LIMD1: variants seen among roughly 807,000 people sequenced by gnomAD.
LIMD1 encodes the protein LIM domain-containing protein 1.
In LIMD1, 23 loss-of-function variants were observed where a neutral mutation model predicts 58.4. That is an observed-to-expected ratio of 0.39 (90% CI 0.28 to 0.56). LIMD1 has a LOEUF of 0.56. LIMD1 is among the 20% of genes least tolerant of loss of function. LIMD1 has a pLI of 0.57. For synonymous variants in LIMD1, 334 were observed against 345.5 expected, an observed-to-expected ratio of 0.97 and a Z score of 0.37; for missense variants, 838 against 855.5, an observed-to-expected ratio of 0.98 and a Z score of 0.25.
chr3:45,643,057 C>T (rs1335558300), intron 2 of LIMD1, among the ~76,000 whole-genome samples: 1 of 152,180 alleles, frequency 6.6e-6, no homozygotes, highest in South Asian at 2.1e-4. Flanking sequence ...CCTTTGTTGA[C>T]AGCTGTGTCT....
At chr3:45,673,530 C>A (rs1333494170) in intron 6 of LIMD1, 25 bp downstream of exon 6, 2 of 1,588,184 alleles carry the variant, frequency 1.3e-6, no homozygotes, top group Non-Finnish European at 1.7e-6. Flanking sequence ...CAGACATGCT[C>A]CCAGGGGCTT....
chr3:45,649,693 A>T (rs969893990), intron 2 of LIMD1, among the ~76,000 whole-genome samples: 18 of 136,532 alleles, frequency 1.3e-4, no homozygotes, highest in Admixed American at 9.5e-4. Context: ...AAAAAAAAAA[A>T]TTATATATAT....
intron 2 of LIMD1, 23 bp from the exon 3 acceptor site, chr3:45,665,626 CT>C: frequency 6.2e-7 from 1 of 1,604,282 alleles, no homozygotes; most frequent in Non-Finnish European, 8.5e-7. Context: ...TTTTTTTACC[CT>C]GTGTTTGTGA....
intron 1 of LIMD1, among the ~76,000 whole-genome samples, chr3:45,600,468 C>G (rs1701400385): frequency 6.6e-6 from 1 of 151,942 alleles, no homozygotes; most frequent in Admixed American, 6.5e-5. Flanking sequence ...AAAATAGGAT[C>G]CTACAGAGGC....
chr3:45,616,267 T>C (rs912593432), intron 1 of LIMD1, among the ~76,000 whole-genome samples: 2 of 152,196 alleles, frequency 1.3e-5, no homozygotes, highest in Admixed American at 1.3e-4. Flanking sequence ...CAGGGATCTC[T>C]TGCCAGCATC....
intron 1 of LIMD1, among the ~76,000 whole-genome samples, chr3:45,615,939 T>C (rs1701571763): frequency 6.6e-6 from 1 of 152,120 alleles, no homozygotes; most frequent in Non-Finnish European, 1.5e-5. Context: ...CAAGTGTCTT[T>C]AGTTTGATAT....
chr3:45,594,828 C>CACACACACACACACACAA lies in LIMD1; in HGVS notation c.-36_-35insAAACACACACACACACAC, dbSNP rs1701322820. On this transcript the variant is annotated 5_prime_UTR_variant, in exon 1 of 8. Coordinates refer to ENST00000273317, the MANE Select transcript of LIMD1 (RefSeq NM_014240.3). ...ACACACACACACACACACACACACA[C>CACACACACACACACACAA]ACACACACACACACACGGCACCTGG... The CACACACACACACACACAA allele has an allele frequency of 4.5e-6, 4 of 894,922 alleles. No individual in the cohort carries two copies. The highest frequency in any genetic ancestry group is 6.8e-6 in the Non-Finnish European group (4 of 590,428). The allele number at this position is 894,922 out of a possible 1,614,324, so 55.4% of individuals were successfully genotyped here.
chr3:45,647,104 C>T (rs1175770569), intron 2 of LIMD1, among the ~76,000 whole-genome samples: 1 of 152,152 alleles, frequency 6.6e-6, no homozygotes, highest in Non-Finnish European at 1.5e-5. Flanking sequence ...ACCTATAATT[C>T]AATACCAAAA....
chr3:45,646,621 T>C (rs1204832890), intron 2 of LIMD1, among the ~76,000 whole-genome samples: 1 of 152,162 alleles, frequency 6.6e-6, no homozygotes, highest in East Asian at 1.9e-4. Context: ...AAGTTTAAAT[T>C]TATTTTAGTA....
rs1333544608 is a variant in LIMD1, at chr3:45,685,210, C to T, written c.*8151C>T. 6.6e-6 allele frequency: 1 copy of T among 152,166 alleles called. No homozygotes were observed. The highest frequency in any genetic ancestry group is 1.5e-5 in the Non-Finnish European group (1 of 68,028). The allele number at this position is 152,166 out of a possible 1,614,324, so 9.4% of individuals were successfully genotyped here. On this transcript the variant is annotated 3_prime_UTR_variant, in exon 8 of 8. Transcript: ENST00000273317. ...TATATTACCCATCATTGGCTGGTTC[C>T]TTATCCTGAACATTGGTTTCCTTGG...
chr3:45,616,979 C>T (rs553978148), intron 1 of LIMD1, among the ~76,000 whole-genome samples: 4 of 151,216 alleles, frequency 2.6e-5, no homozygotes, highest in Non-Finnish European at 4.4e-5. Context: ...GTGATCCACC[C>T]GCCTTGGCCT....
At chr3:45,602,177 T>C (rs372223767) in intron 1 of LIMD1, among the ~76,000 whole-genome samples, 2 of 152,160 alleles carry the variant, frequency 1.3e-5, no homozygotes, top group South Asian at 4.1e-4. Flanking sequence ...CTCGATCTCC[T>C]GACCTTGTGA....
intron 5 of LIMD1, 98 bp from the exon 6 acceptor site, chr3:45,673,356 G>C: frequency 1.1e-6 from 1 of 894,006 alleles, no homozygotes; most frequent in South Asian, 1.3e-5. Flanking sequence ...GGCAGGAGGC[G>C]GCATGGAGGA....
chr3:45,645,634 G>A (rs1037033439), intron 2 of LIMD1, among the ~76,000 whole-genome samples: 3 of 152,152 alleles, frequency 2.0e-5, no homozygotes, highest in Non-Finnish European at 2.9e-5. Context: ...ATGTTGCACC[G>A]CAGTGCCTCA....
At chr3:45,603,513 C>T (rs1202746380) in intron 1 of LIMD1, among the ~76,000 whole-genome samples, 3 of 151,886 alleles carry the variant, frequency 2.0e-5, no homozygotes, top group Admixed American at 6.6e-5. Flanking sequence ...TAATTTGAAC[C>T]AGCCGAATCC....
At chr3:45,674,042 T>C (rs1160313556) in intron 6 of LIMD1, 2 of 352,068 alleles carry the variant, frequency 5.7e-6, no homozygotes, top group East Asian at 9.8e-5. Context: ...AATTCTTAGA[T>C]TAGCAGATGA....
At chr3:45,641,272 T>G (rs560476979) in intron 2 of LIMD1, among the ~76,000 whole-genome samples, 40 of 152,320 alleles carry the variant, frequency 2.6e-4, no homozygotes, top group Non-Finnish European at 5.1e-4. Context: ...TCACCTGTAC[T>G]TCCTTGTTTT....
chr3:45,675,969 C>T (rs983926559), intron 7 of LIMD1, among the ~76,000 whole-genome samples: 2 of 151,896 alleles, frequency 1.3e-5, no homozygotes, highest in African/African-American at 2.4e-5. Flanking sequence ...AGTAAAAAAT[C>T]CTGCTGGGCG....
At chr3:45,651,927 CG>C (rs36052917) in intron 2 of LIMD1, among the ~76,000 whole-genome samples, 28,487 of 151,676 alleles carry the variant, frequency 0.19, 3,079 homozygotes, top group Non-Finnish European at 0.25. Flanking sequence ...CCACCGCACC[CG>C]GCCTGTTATT....
Sources: allele counts gnomAD v4.1 joint callset (sites outside exome capture counted in the v4.1 genomes callset), GRCh38; gene constraint gnomAD v4.1.1; transcripts MANE v1.5; gene names NCBI Gene and HGNC (gene_info 2026-07-23, HGNC 2026-07-21).